Variants in TRIM36 observed in about 807,000 individuals in gnomAD.
TRIM36 encodes the protein tripartite motif containing 36, also known as E3 ubiquitin-protein ligase TRIM36.
Under a neutral mutation model 72.4 loss-of-function variants are expected in TRIM36, and 42 were observed. The ratio of observed to expected loss-of-function variants is 0.58; its 90% CI spans 0.45 to 0.75. The LOEUF is 0.75. Ranked by LOEUF, TRIM36 falls within the 30% of genes least tolerant of loss-of-function variation. The pLI, the probability that TRIM36 is intolerant of heterozygous loss-of-function variation, is 0.00. For missense variants in TRIM36, 913 were observed against 857.1 expected (o/e 1.07, Z -0.81); for synonymous variants, 315 against 282.8 (o/e 1.11, Z -1.14).
chr5:115,177,976 C>G (rs560962972), intron 1 of TRIM36: 31 of 1,187,980 alleles, frequency 2.6e-5, no homozygotes, highest in Non-Finnish European at 3.6e-5. Flanking sequence ...CTGTGATGAA[C>G]CCATTGGTAT....
At chr5:115,158,692 A>G (rs1462962424) in intron 2 of TRIM36, among the ~76,000 whole-genome samples, 1 of 152,182 alleles carries the variant, frequency 6.6e-6, no homozygotes, top group Non-Finnish European at 1.5e-5. Flanking sequence ...CCTTTTGGGT[A>G]TTATATCAGC....
At chr5:115,145,178 T>C (rs1381323552) in intron 3 of TRIM36, among the ~76,000 whole-genome samples, 1 of 152,198 alleles carries the variant, frequency 6.6e-6, no homozygotes, top group Non-Finnish European at 1.5e-5. Flanking sequence ...TTTATGAGAC[T>C]CATGGCCTCA....
chr5:115,140,599 C>G (rs775231945), intron 5 of TRIM36, among the ~76,000 whole-genome samples: 1 of 152,166 alleles, frequency 6.6e-6, no homozygotes, highest in Admixed American at 6.5e-5. Context: ...CCCTCCTCAA[C>G]TCTAACATCA....
At chr5:115,131,544 G>T (rs1275930646) in intron 8 of TRIM36, among the ~76,000 whole-genome samples, 2 of 152,178 alleles carry the variant, frequency 1.3e-5, no homozygotes, top group Non-Finnish European at 2.9e-5. Flanking sequence ...AACATTGGCT[G>T]CTAGCCAATG....
upstream of TRIM36, chr5:115,171,339 G>A: frequency 2.1e-6 from 3 of 1,413,246 alleles, no homozygotes; most frequent in Non-Finnish European, 2.9e-6. Flanking sequence ...AGGTAATAAT[G>A]CCTGGGCTGT....
At chr5:115,136,398 C>A (rs1752966547) in intron 7 of TRIM36, among the ~76,000 whole-genome samples, 1 of 152,154 alleles carries the variant, frequency 6.6e-6, no homozygotes, top group Non-Finnish European at 1.5e-5. Flanking sequence ...CCTGCCAACA[C>A]CTTGATCTCT....
intron 1 of TRIM36, chr5:115,179,971 T>TTA: frequency 6.2e-7 from 1 of 1,613,942 alleles, no homozygotes; most frequent in Non-Finnish European, 8.5e-7. Flanking sequence ...GCCTCATCAC[T>TTA]TACCTTGCCT....
rs879208906 is a variant in TRIM36, at chr5:115,175,203, G to A, written c.63+4772C>T. 7.9e-5 allele frequency among the ~76,000 whole-genome samples: 12 copies of A among 151,528 alleles called. No homozygotes were observed. The South Asian group carries it at 2.1e-3, about 26-fold the overall frequency. The stretch of plus-strand genomic sequence containing the variant: ...AAATTCAAATTCAAGTCTACATCCT[G>A]TATTTTATCTGTCAGCCCTACCTCC... On this transcript the variant is annotated intron_variant, in intron 1 of 9. Transcript: ENST00000282369.
intron 2 of TRIM36, among the ~76,000 whole-genome samples, chr5:115,154,157 T>A (rs1754039174): frequency 6.6e-6 from 1 of 151,278 alleles, no homozygotes. Context: ...TGACACAACC[T>A]ATCAAAACCT....
chr5:115,150,359 T>C (rs1159358922), intron 2 of TRIM36, among the ~76,000 whole-genome samples: 1 of 152,260 alleles, frequency 6.6e-6, no homozygotes, highest in Non-Finnish European at 1.5e-5. Context: ...TTCACTTATT[T>C]GGTTACCATA....
intron 4 of TRIM36, among the ~76,000 whole-genome samples, chr5:115,142,557 A>C (rs539667169): frequency 1.2e-4 from 19 of 152,166 alleles, no homozygotes; most frequent in South Asian, 8.3e-4. Context: ...AAAGCACCAC[A>C]CTCTCTGAGT....
chr5:115,135,898 T>C (rs1752941288), intron 7 of TRIM36, among the ~76,000 whole-genome samples: 1 of 152,200 alleles, frequency 6.6e-6, no homozygotes, highest in African/African-American at 2.4e-5. Flanking sequence ...AATTTCCTTG[T>C]ATTAATGTAC....
rs1305636301 is a variant in TRIM36, at chr5:115,130,819, G to T, written c.1569C>A (p.Asp523Glu). 1 of 1,614,070 alleles carries T rather than the reference G, an allele frequency of 6.2e-7. No homozygotes were observed. Among genetic ancestry groups the T allele is most frequent in the Non-Finnish European group, 8.5e-7 (1 of 1,180,022 alleles). ...NEHLLLNLKR[D>E]RVESRAGFNL... ...TAAATCCAGCTCTACTCTCTACACGGTCTCTCTTCAAGTTCAGCAGGAGGT... is the reference window on the plus strand; with the variant it reads ...TAAATCCAGCTCTACTCTCTACACGTTCTCTCTTCAAGTTCAGCAGGAGGT... The change falls in exon 9 of 10, where the codon GAC becomes GAA. Residue 523 changes from aspartate to glutamate, a missense_variant. By Grantham distance (45) the Asp-to-Glu change is conservative (BLOSUM62 2). Coordinates refer to ENST00000513154, the MANE Select transcript of TRIM36 (RefSeq NM_001300759.2).
chr5:115,148,594 A>G (rs1283420526), intron 2 of TRIM36, among the ~76,000 whole-genome samples: 1 of 151,842 alleles, frequency 6.6e-6, no homozygotes, highest in Non-Finnish European at 1.5e-5. Context: ...TATTTTTAGT[A>G]GAGATGGGGT....
chr5:115,137,806 A>C (rs1192377631), intron 5 of TRIM36, among the ~76,000 whole-genome samples, 190 bp from the exon 6 acceptor site: 1 of 152,248 alleles, frequency 6.6e-6, no homozygotes, highest in East Asian at 1.9e-4. Context: ...TGAAATTTTC[A>C]GAACAATATT....
intron 2 of TRIM36, among the ~76,000 whole-genome samples, chr5:115,161,736 C>T (rs1466766537): frequency 2.0e-5 from 3 of 152,176 alleles, no homozygotes; most frequent in South Asian, 2.1e-4. Flanking sequence ...AATAAGGAGT[C>T]GTAAAATCAG....
chr5:115,146,973 T>C, intron 3 of TRIM36, 96 bp downstream of exon 3: 1 of 1,249,504 alleles, frequency 8.0e-7, no homozygotes, highest in Non-Finnish European at 1.1e-6. Context: ...TCTGTCAAGT[T>C]CTAGACTTAA....
chr5:115,137,166 T>C, intron 6 of TRIM36, 42 bp from the exon 7 acceptor site: 2 of 1,534,756 alleles, frequency 1.3e-6, no homozygotes. Context: ...CTTTAAGAAG[T>C]CAAATCAGAC....
intron 1 of TRIM36, 32 bp from the exon 2 acceptor site, chr5:115,163,784 C>A (rs765169940): frequency 1.3e-6 from 2 of 1,543,082 alleles, no homozygotes; most frequent in Non-Finnish European, 1.8e-6. Flanking sequence ...GTTAAAGGCT[C>A]TTAGTGGGTA....
Sources: gnomAD v4.1 joint callset for allele counts (sites outside exome capture counted in the v4.1 genomes callset) on GRCh38, gnomAD v4.1.1 for gene constraint, MANE v1.5 for transcripts, NCBI Gene and HGNC (gene_info 2026-07-23, HGNC 2026-07-21) for gene names.